The following MYO7B variants were observed in gnomAD, a reference collection of about 807,000 sequenced individuals.
The protein encoded by MYO7B is unconventional myosin-VIIb.
MYO7B carries 212 observed loss-of-function variants against 259.7 expected under a neutral mutation model. The observed-to-expected ratio is 0.82, with a 90% CI of 0.73 to 0.91. MYO7B has a LOEUF of 0.91. Among genes scored for constraint, MYO7B ranks in the 40% least tolerant of loss-of-function variants. The pLI is 0.00. For synonymous variants in MYO7B, 1,197 were observed against 1,166.4 expected, an observed-to-expected ratio of 1.03 and a Z score of -0.54; for missense variants, 2,732 against 2,813.5, an observed-to-expected ratio of 0.97 and a Z score of 0.66.
intron 12 of MYO7B, 33 bp downstream of exon 12, chr2:127,582,479 T>C: frequency 1.9e-6 from 3 of 1,607,304 alleles, no homozygotes; most frequent in Non-Finnish European, 2.5e-6. Context: ...CCCCACTGCT[T>C]CCAGAAAACA....
At chr2:127,593,813 C>T (rs1435005551) in intron 18 of MYO7B, among the ~76,000 whole-genome samples, 169 bp downstream of exon 18, 2 of 152,228 alleles carry the variant, frequency 1.3e-5, no homozygotes, top group African/African-American at 2.4e-5. Flanking sequence ...TAGAACATCA[C>T]GCTAGGGGAC....
chr2:127,612,117 A>G (rs547001549), intron 24 of MYO7B, 133 bp from the exon 25 acceptor site: 16 of 432,996 alleles, frequency 3.7e-5, no homozygotes, highest in African/African-American at 2.6e-4. Flanking sequence ...GAGGGACTGC[A>G]TGGTGCTTTA....
chr2:127,564,395 G>C (rs1678243092), intron 3 of MYO7B, 129 bp downstream of exon 3: 1 of 648,302 alleles, frequency 1.5e-6, no homozygotes, highest in Non-Finnish European at 2.6e-6. Flanking sequence ...CTGGGTGGCA[G>C]GACAGATCAC....
intron 29 of MYO7B, among the ~76,000 whole-genome samples, chr2:127,623,596 G>A (rs963367386): frequency 1.3e-5 from 2 of 152,060 alleles, no homozygotes; most frequent in African/African-American, 2.4e-5. Flanking sequence ...TTGCAGCTGC[G>A]CCTCAGCCCC....
At position 127,571,182 on chromosome 2, in the gene MYO7B, G is replaced by A. The variant is rs568600730; in HGVS notation, c.592+1272G>A. On this transcript the variant is annotated intron_variant, in intron 6 of 47. Coordinates refer to ENST00000409816, the MANE Select transcript of MYO7B (RefSeq NM_001393586.1). ...CGAAATGTTTTCCAAAATGCTCACA[G>A]CATTTTGCTTTCCCACCAGCAGAGC... 2.6e-5 allele frequency among the ~76,000 whole-genome samples: 4 copies of A among 152,236 alleles called. No homozygotes were observed. In the East Asian group the frequency reaches 7.7e-4, roughly 29 times the overall value.
intron 42 of MYO7B, 48 bp from the exon 43 acceptor site, chr2:127,635,072 G>C: frequency 6.7e-7 from 1 of 1,501,604 alleles, no homozygotes; most frequent in Non-Finnish European, 9.2e-7. Context: ...GTCAGGGCTG[G>C]TGTACCTGCT....
rs148828511 is a variant in MYO7B, at chr2:127,576,358, G to A, written c.736-237G>A. Among the ~76,000 whole-genome samples, 28 of 152,324 alleles carry A rather than the reference G, an allele frequency of 1.8e-4. No individual in the cohort carries two copies. The East Asian group carries it at 3.1e-3, about 17-fold the overall frequency. ...TTGGGCACAGCAGTGTCAGGGCTTC[G>A]AGGAGCAGTCAAGATGCAGGGAAAT... is the stretch of plus-strand genomic sequence containing the variant. On this transcript the variant is annotated intron_variant, in intron 7 of 47. Coordinates refer to ENST00000409816, the MANE Select transcript of MYO7B (RefSeq NM_001393586.1). This position sits in a 1 kb window ranked among gnomAD's most constrained non-coding sequence, Gnocchi z 4.9.
chr2:127,581,107 G>C (rs568925190), intron 10 of MYO7B, among the ~76,000 whole-genome samples: 1 of 152,022 alleles, frequency 6.6e-6, no homozygotes, highest in Non-Finnish European at 1.5e-5. Context: ...CAGTATCCTC[G>C]CCCTCCACCC....
Position 127,625,431 on chromosome 2 carries a change from A to C in MYO7B, c.4111A>C (p.Ser1371Arg). Reference protein sequence around the residue: ...CYVQLGASAESKAVQELLPSC... With the variant: ...CYVQLGASAERKAVQELLPSC... ...CGTGCAGCTCGGCGCCTCAGCAGAGAGCAAGGCTGTCCAGGAGCTGCTGCC... is the reference window on the plus strand; with the variant it reads ...CGTGCAGCTCGGCGCCTCAGCAGAGCGCAAGGCTGTCCAGGAGCTGCTGCC... Residue 1371 changes from serine to arginine, a missense_variant, in exon 31 of 48, where the codon AGC becomes CGC. By Grantham distance (110) the Ser-to-Arg change is moderately radical. Around this residue, in one of 3 missense-constraint regions of MYO7B, gnomAD observed 1,906 missense variants for 2,026.4 expected, o/e 0.94. Transcript: ENST00000409816. 1.2e-6 allele frequency: 2 copies of C among 1,611,604 alleles called. No individual in the cohort carries two copies. The highest frequency in any genetic ancestry group is 2.2e-5 in the South Asian group (2 of 90,746).
In MYO7B at chr2:127,636,567, C is replaced by G; in HGVS notation, c.6146C>G (p.Pro2049Arg). 1.9e-6 allele frequency: 3 copies of G among 1,612,356 alleles called. No homozygotes were observed. The highest frequency in any genetic ancestry group is 1.1e-5 in the South Asian group (1 of 90,722). ...CAGCAAACCTCGGAGCCTTCCTACCCGGACGTCATCCTCATCGCCATCAAC... is the reference window on the plus strand; with the variant it reads ...CAGCAAACCTCGGAGCCTTCCTACCGGGACGTCATCCTCATCGCCATCAAC... ...EVKQTSEPSY[P>R]DVILIAINRH... The change falls in exon 46 of 48, where the codon CCG (proline) becomes CGG (arginine). Residue 2049 changes from proline (P) to arginine (R), a missense_variant. Around this residue, in one of 3 missense-constraint regions of MYO7B, gnomAD observed 821 missense variants for 769.3 expected, o/e 1.07. Coordinates refer to ENST00000409816, the MANE Select transcript of MYO7B (RefSeq NM_001393586.1). This position sits in a 1 kb window ranked among gnomAD's most constrained non-coding sequence, Gnocchi z 4.5.
In MYO7B at chr2:127,590,149, G is replaced by A. The variant is rs1239974544; in HGVS notation, c.1912G>A (p.Asp638Asn). The change falls in exon 16 of 48, where the codon GAC (aspartate) becomes AAC (asparagine). Residue 638 changes from aspartate (D) to asparagine (N), a missense_variant. By Grantham distance (23) the Asp-to-Asn change is conservative (BLOSUM62 1). Around this residue, in one of 3 missense-constraint regions of MYO7B, gnomAD observed 1,906 missense variants for 2,026.4 expected, o/e 0.94. Transcript: ENST00000409816. This position sits in a 1 kb window ranked among gnomAD's most constrained non-coding sequence, Gnocchi z 4.6. ...AGGAAGCCAGTTCAAACAGTCTCTG[G>A]ACCAGCTGATGAAAATCCTGACCAA... ...TLGSQFKQSL[D>N]QLMKILTNCQ... 4 of 1,610,266 alleles carry A rather than the reference G, an allele frequency of 2.5e-6. No individual in the cohort carries two copies. The highest frequency in any genetic ancestry group is 3.4e-6 in the Non-Finnish European group (4 of 1,178,794).
At chr2:127,634,550 A>G (rs756244802) in intron 41 of MYO7B, 46 bp from the exon 42 acceptor site, 7 of 1,530,802 alleles carry the variant, frequency 4.6e-6, no homozygotes, top group Middle Eastern at 1.7e-4. Flanking sequence ...TCAGGAGGAC[A>G]GTCCCCGGAA....
At chr2:127,593,427 G>C (rs1679645685) in intron 17 of MYO7B, 119 bp from the exon 18 acceptor site, 1 of 974,444 alleles carries the variant, frequency 1.0e-6, no homozygotes, top group East Asian at 2.5e-5. Context: ...CCTGGGCGGG[G>C]GTGGGCGGCA....
At chr2:127,562,733 G>A (rs553418476) in intron 2 of MYO7B, among the ~76,000 whole-genome samples, 288 of 151,916 alleles carry the variant, frequency 1.9e-3, no homozygotes, top group African/African-American at 6.3e-3. Flanking sequence ...TGATCTGCCC[G>A]CCTCAGCCTC....
Position 127,636,478 on chromosome 2 carries a change from T to A in MYO7B, c.6124-67T>A. 3 of 1,508,742 alleles carry A rather than the reference T, an allele frequency of 2.0e-6. No homozygotes were observed. The highest frequency in any genetic ancestry group is 1.2e-5 in the South Asian group (1 of 85,356). 93.5% of individuals were successfully genotyped at this position (1,508,742 alleles called of 1,614,324 possible). ...TGTGTGTATGTGCGTGTGGCCTAGA[T>A]GAGCTCCTGGGAGGTGCAGCCTGGC... On this transcript the variant is annotated intron_variant, in intron 45 of 47. Coordinates refer to ENST00000409816, the MANE Select transcript of MYO7B (RefSeq NM_001393586.1). The surrounding 1 kb of genome is among the most constrained non-coding windows in gnomAD (Gnocchi z 4.5).
At position 127,559,598 on chromosome 2, in the gene MYO7B, G is replaced by C. The variant is rs1677982759; in HGVS notation, c.-23-102G>C. The C allele has an allele frequency of 9.6e-7, 1 of 1,036,684 alleles. No individual in the cohort carries two copies. The highest frequency in any genetic ancestry group is 1.6e-5 in the African/African-American group (1 of 63,196). 64.2% of individuals were successfully genotyped at this position (1,036,684 alleles called of 1,614,324 possible). On this transcript the variant is annotated intron_variant, in intron 1 of 47. Transcript: ENST00000409816. This position sits in a 1 kb window ranked among gnomAD's most constrained non-coding sequence, Gnocchi z 4.1. ...GTTTTTGAGCCAGGTCCCATGCCGG[G>C]CACTTAGGGAAGTGTTGGTGAACAA...
rs1486933416 is a variant in MYO7B, at chr2:127,559,774, G to T, written c.18+34G>T. ...TGTATGATTTGATCTAGGGGTTATTGGTGTAAGTTACTCAAGGCCAAGTTG... is the reference window on the plus strand; with the variant it reads ...TGTATGATTTGATCTAGGGGTTATTTGTGTAAGTTACTCAAGGCCAAGTTG... On this transcript the variant is annotated intron_variant, in intron 2 of 47. Coordinates refer to ENST00000409816, the MANE Select transcript of MYO7B (RefSeq NM_001393586.1). The surrounding 1 kb of genome is among the most constrained non-coding windows in gnomAD (Gnocchi z 4.1). 11 of 1,613,394 alleles carry T rather than the reference G, an allele frequency of 6.8e-6. No homozygotes were observed. The highest frequency in any genetic ancestry group is 8.5e-6 in the Non-Finnish European group (10 of 1,179,476).
rs779891179 is a variant in MYO7B at position 127,635,208 on chromosome 2, C to T, written c.5802C>T (p.Thr1934=). Residue 1934 remains threonine, a synonymous_variant, in exon 43 of 48, where the codon ACC becomes ACT. Coordinates refer to ENST00000409816, the MANE Select transcript of MYO7B (RefSeq NM_001393586.1). ...ISPGKDVNAD[T]ILHYHQELPK... ...CAGGGAAGGATGTGAATGCAGACAC[C>T]ATACTCCATTACCACCAGGTACCGG... The T allele has an allele frequency of 5.6e-6, 9 of 1,613,248 alleles. No homozygotes were observed. The highest frequency in any genetic ancestry group is 5.5e-5 in the South Asian group (5 of 91,000).
rs1681622608 is a variant in MYO7B at position 127,633,300 on chromosome 2, G to A, written c.5448G>A (p.Glu1816=). 6.8e-6 allele frequency: 11 copies of A among 1,612,704 alleles called. No individual in the cohort carries two copies. The highest frequency in any genetic ancestry group is 9.3e-6 in the Non-Finnish European group (11 of 1,179,770). Residue 1816 remains glutamate (E), a synonymous_variant, in exon 40 of 48, where the codon GAG becomes GAA. Coordinates refer to ENST00000409816, the MANE Select transcript of MYO7B (RefSeq NM_001393586.1). ...AGCCCCCGCACCAGGTGGAGGTGGAGGCCGCAGAGCAGAACGTCTCCCGCA... is the reference window on the plus strand; with the variant it reads ...AGCCCCCGCACCAGGTGGAGGTGGAAGCCGCAGAGCAGAACGTCTCCCGCA... The part of the protein sequence containing the change: ...RKQPPHQVEV[E]AAEQNVSRIC...
Sources: gnomAD v4.1 joint callset for allele counts (sites outside exome capture counted in the v4.1 genomes callset) on GRCh38, gnomAD v4.1.1 for gene constraint, gnomAD v4.1.1 regional missense constraint, Gnocchi (gnomAD v3.1) non-coding constraint, MANE v1.5 for transcripts, NCBI Gene and HGNC (gene_info 2026-07-23, HGNC 2026-07-21) for gene names.